Variants in DAAM2 observed in about 807,000 individuals in gnomAD.
DAAM2 encodes the protein disheveled-associated activator of morphogenesis 2.
A neutral mutation model predicts 120.7 loss-of-function variants in DAAM2; 39 were observed. The observed-to-expected ratio is 0.32, with a 90% CI of 0.25 to 0.42. The LOEUF (loss-of-function observed/expected upper bound fraction) is 0.42. Among genes scored for constraint, DAAM2 ranks in the 10% least tolerant of loss-of-function variants. DAAM2 has a pLI of 1.00. For synonymous variants in DAAM2, 488 were observed against 524.9 expected (o/e 0.93, Z 0.96); for missense variants, 1,283 against 1,401.7 (o/e 0.92, Z 1.35).
At chr6:39,876,719 G>T (rs921194530) in intron 11 of DAAM2, among the ~76,000 whole-genome samples, 3 of 110,238 alleles carry the variant, frequency 2.7e-5, no homozygotes, top group Non-Finnish European at 5.7e-5. Context: ...GTGTGTGTGT[G>T]TGTGTGTGTG....
rs1233014096 is a variant in DAAM2 at position 39,867,830 on chromosome 6, G to T, written c.749G>T (p.Arg250Leu). 6.3e-7 allele frequency: 1 copy of T among 1,590,458 alleles called. No individual in the cohort carries two copies. Among genetic ancestry groups the T allele is most frequent in the Non-Finnish European group, 8.6e-7 (1 of 1,169,298 alleles). ...MLHYQVYAAE[R>L]TRFQTLLNEL... ...CACTACCAGGTGTATGCAGCAGAGC[G>T]AACCCGCTTCCAGGTGAGGGGCCAG... Residue 250 changes from arginine (R) to leucine (L), a missense_variant, in exon 6 of 25, where the codon CGA becomes CTA. This residue lies in a region of DAAM2 where 338 missense variants were observed against 443.9 expected (regional missense o/e 0.76). Coordinates refer to ENST00000274867, the MANE Select transcript of DAAM2 (RefSeq NM_001201427.2).
chr6:39,827,185 G>A (rs148463430), intron 1 of DAAM2, among the ~76,000 whole-genome samples: 9 of 152,294 alleles, frequency 5.9e-5, no homozygotes, highest in African/African-American at 1.7e-4. Context: ...CTGTGAATTC[G>A]AAAATTGGGT....
chr6:39,821,247 A>T (rs948590453), intron 1 of DAAM2: 1 of 151,916 alleles, frequency 6.6e-6, no homozygotes, highest in African/African-American at 2.4e-5. Flanking sequence ...TGGTTGGGAC[A>T]CTCCTGGGCT....
At chr6:39,890,527 T>C (rs185586351) in intron 17 of DAAM2, among the ~76,000 whole-genome samples, 1 of 152,322 alleles carries the variant, frequency 6.6e-6, no homozygotes, top group East Asian at 1.9e-4. Context: ...GCATACAGCA[T>C]GAGTTCAAGG....
In DAAM2 at chr6:39,879,433, C is replaced by G. The variant is rs751065233; in HGVS notation, c.1801C>G (p.Pro601Ala). Residue 601 changes from proline (P) to alanine (A), a missense_variant, in exon 14 of 25, where the codon CCT becomes GCT. Pro to Ala is a conservative substitution (Grantham distance 27, BLOSUM62 -1). Transcript: ENST00000274867. ...VPLRKKRVPQ[P>A]SHPLKSFNWV... Reference sequence around the variant, plus strand: ...ACTCAGGAAAAAGCGTGTCCCCCAGCCTTCTCACCCACTGAAGTCCTTCAA... The same window carrying G: ...ACTCAGGAAAAAGCGTGTCCCCCAGGCTTCTCACCCACTGAAGTCCTTCAA... 6.2e-7 allele frequency: 1 copy of G among 1,613,998 alleles called. No homozygotes were observed.
At position 39,870,212 on chromosome 6, in the gene DAAM2, A is replaced by G. The variant is rs1483269147; in HGVS notation, c.874-128A>G. The G allele has an allele frequency of 7.9e-6, 5 of 633,688 alleles. No homozygotes were observed. The East Asian group carries it at 1.1e-4, about 14-fold the overall frequency. 39.3% of individuals were successfully genotyped at this position (633,688 alleles called of 1,614,324 possible). On this transcript the variant is annotated intron_variant, in intron 7 of 24. Transcript: ENST00000274867. ...TTCTTGGAACTCTGGGATTGGAAGC[A>G]GCTCCAGGTGAGTTAGCTGTGGGAG...
At chr6:39,856,110 C>A in intron 1 of DAAM2, 137 bp from the exon 2 acceptor site, 4 of 412,838 alleles carry the variant, frequency 9.7e-6, no homozygotes, top group Non-Finnish European at 1.5e-5. Flanking sequence ...GGGGCGACAG[C>A]GGGGTGGGTG....
chr6:39,831,539 A>G (rs1385553035), intron 1 of DAAM2, among the ~76,000 whole-genome samples: 3 of 151,794 alleles, frequency 2.0e-5, no homozygotes, highest in Admixed American at 2.0e-4. Context: ...GACACAGCAG[A>G]TAAGAAGCAG....
chr6:39,870,824 G>A (rs1764631128), intron 8 of DAAM2, among the ~76,000 whole-genome samples: 1 of 152,206 alleles, frequency 6.6e-6, no homozygotes, highest in Non-Finnish European at 1.5e-5. Context: ...ACAAAGAAAT[G>A]TCCCACCCAA....
intron 9 of DAAM2, among the ~76,000 whole-genome samples, chr6:39,872,700 G>C (rs189253143): frequency 6.6e-6 from 1 of 152,338 alleles, no homozygotes; most frequent in East Asian, 1.9e-4. Flanking sequence ...TACAGAAACA[G>C]AGGTTAGAGG....
rs1010297841 is a variant in DAAM2, at chr6:39,899,977, G to A, written c.2680-100G>A. On this transcript the variant is annotated intron_variant, in intron 22 of 24. Coordinates refer to ENST00000274867, the MANE Select transcript of DAAM2 (RefSeq NM_001201427.2). ...ATGCAGGGTGTTCCCTCTTCCAAAG[G>A]GCTCAATGTCCTGTGAGTGACGAGG... 6.0e-6 allele frequency: 8 copies of A among 1,338,964 alleles called. No individual in the cohort carries two copies. The African/African-American group carries it at 8.8e-5, about 15-fold the overall frequency. 82.9% of individuals were successfully genotyped at this position (1,338,964 alleles called of 1,614,324 possible). A position where few individuals can be genotyped will look rare whatever the true frequency, so the allele number is the denominator to read the frequency against.
At chr6:39,793,274 T>TA (rs1244003388) in intron 1 of DAAM2, 1 of 150,906 alleles carries the variant, frequency 6.6e-6, no homozygotes, top group Non-Finnish European at 1.5e-5. Context: ...GTGAGGTACG[T>TA]GCCAGGTTCT....
chr6:39,900,214 G>A lies in DAAM2; in HGVS notation c.2811+6G>A, dbSNP rs774529319. 23 of 1,609,192 alleles carry A rather than the reference G, an allele frequency of 1.4e-5. No individual in the cohort carries two copies. Among genetic ancestry groups the A allele is most frequent in the Non-Finnish European group, 1.7e-5 (20 of 1,178,050 alleles). ...TAAATGAGGCCAGGGACAAGGTAAG[G>A]GTGCCCCAACCCCCACTGCTTGCCA... is the stretch of plus-strand genomic sequence containing the variant. On this transcript the variant is annotated splice_donor_region_variant and intron_variant, in intron 23 of 24. Transcript: ENST00000274867.
intron 15 of DAAM2, chr6:39,887,256 G>C (rs1045749812): frequency 8.5e-6 from 4 of 469,736 alleles, no homozygotes; most frequent in Non-Finnish European, 1.5e-5. Flanking sequence ...AAATAGGAAG[G>C]GGGGCTTCTC....
intron 1 of DAAM2, chr6:39,792,908 C>T (rs1044021122): frequency 7.9e-5 from 12 of 152,370 alleles, no homozygotes; most frequent in African/African-American, 2.9e-4. Context: ...GAAGTCTTCA[C>T]AAGCCCCCAG....
At position 39,868,818 on chromosome 6, in the gene DAAM2, C is replaced by T. The variant is rs964373091; in HGVS notation, c.763-5C>T. The T allele has an allele frequency of 1.0e-5, 16 of 1,569,420 alleles. No homozygotes were observed. Among genetic ancestry groups the T allele is most frequent in the Non-Finnish European group, 1.3e-5 (15 of 1,156,978 alleles). Reference sequence around the variant, plus strand: ...CCTCCTGCTCTGTCCTGCATTTCCACCTAGACCCTGCTGAACGAGCTAGAC... The same window carrying T: ...CCTCCTGCTCTGTCCTGCATTTCCATCTAGACCCTGCTGAACGAGCTAGAC... On this transcript the variant is annotated splice_polypyrimidine_tract_variant and splice_region_variant and intron_variant, in intron 6 of 24. Transcript: ENST00000274867.
intron 1 of DAAM2, among the ~76,000 whole-genome samples, chr6:39,793,547 G>A (rs980122337): frequency 3.4e-5 from 5 of 148,090 alleles, no homozygotes; most frequent in African/African-American, 9.8e-5. Flanking sequence ...GTCCCCATAG[G>A]TTTTCCCTTG....
intron 21 of DAAM2, among the ~76,000 whole-genome samples, chr6:39,898,149 T>C (rs1286685674): frequency 1.3e-5 from 2 of 152,214 alleles, no homozygotes; most frequent in African/African-American, 4.8e-5. Context: ...TCACAGGCAA[T>C]TGGTGCTTAA....
rs1171476919 is a variant in DAAM2, at chr6:39,868,674, C to T, written c.763-149C>T. 1.3e-5 allele frequency: 8 copies of T among 620,316 alleles called. No homozygotes were observed. The African/African-American group carries it at 1.5e-4, about 11-fold the overall frequency. 38.4% of individuals were successfully genotyped at this position (620,316 alleles called of 1,614,324 possible). On this transcript the variant is annotated intron_variant, in intron 6 of 24. Coordinates refer to ENST00000274867, the MANE Select transcript of DAAM2 (RefSeq NM_001201427.2). The stretch of plus-strand genomic sequence containing the variant: ...TTCCAGGCAGAGGTGAGGTTTGGGG[C>T]AGCCCAGAGTAAATTGGACAGACCT...
Sources: allele counts gnomAD v4.1 joint callset (sites outside exome capture counted in the v4.1 genomes callset), GRCh38; gene constraint gnomAD v4.1.1; regional missense constraint gnomAD v4.1.1; transcripts MANE v1.5; gene names NCBI Gene and HGNC (gene_info 2026-07-23, HGNC 2026-07-21).